Variants in PDE4D observed in about 807,000 individuals in gnomAD.
The protein encoded by PDE4D is 3',5'-cyclic-AMP phosphodiesterase 4D.
In PDE4D, 24 loss-of-function variants were observed where a neutral mutation model predicts 87.4. The observed-to-expected ratio is 0.27, with a 90% CI of 0.20 to 0.39. The LOEUF is 0.39. Among genes scored for constraint, PDE4D ranks in the 10% least tolerant of loss-of-function variants. The pLI is 1.00. For missense variants in PDE4D, 714 were observed against 1,041.0 expected (o/e 0.69, Z 4.32); for synonymous variants, 384 against 383.2 (o/e 1.00, Z -0.02).
At chr5:59,065,067 T>TATACACAC (rs764430366) in intron 5 of PDE4D, among the ~76,000 whole-genome samples, 6 of 89,232 alleles carry the variant, frequency 6.7e-5, no homozygotes, top group South Asian at 3.6e-4. Context: ...GATATATATA[T>TATACACAC]ACACACACAC....
chr5:59,642,414 C>T (rs1456604934), intron 1 of PDE4D, among the ~76,000 whole-genome samples: 2 of 152,162 alleles, frequency 1.3e-5, no homozygotes, highest in Non-Finnish European at 2.9e-5. Context: ...CCACCCAAAT[C>T]TCATCTTGAA....
At chr5:59,875,228 G>A (rs564214314) in intron 1 of PDE4D, among the ~76,000 whole-genome samples, 63 of 151,954 alleles carry the variant, frequency 4.1e-4, no homozygotes, top group Admixed American at 2.4e-3. Context: ...TTGGGAGGCC[G>A]AGGCGGGCGG....
intron 11 of PDE4D, among the ~76,000 whole-genome samples, chr5:58,985,344 CAGGTAGAAT>C (rs1746153808): frequency 6.6e-6 from 1 of 152,186 alleles, no homozygotes; most frequent in Non-Finnish European, 1.5e-5. Context: ...CCAACTCTAC[CAGGTAGAAT>C]TGTTCTCTCT....
chr5:59,966,250 A>G (rs916199275), intron 3 of PDE4D, among the ~76,000 whole-genome samples: 4 of 152,230 alleles, frequency 2.6e-5, no homozygotes, highest in Non-Finnish European at 5.9e-5. Context: ...TTCAAATCCT[A>G]TTATGCTTCA....
chr5:60,243,534 A>G (rs1471689094), intron 1 of PDE4D, among the ~76,000 whole-genome samples: 3 of 151,928 alleles, frequency 2.0e-5, no homozygotes, highest in Admixed American at 2.0e-4. Context: ...GGCCAATATC[A>G]CTGATGAATA....
At position 59,649,904 on chromosome 5, in the gene PDE4D, CCTTTTTTTTTTT is replaced by C. The variant is rs1452849801; in HGVS notation, c.455+243252_455+243263del. On this transcript the variant is annotated intron_variant, in intron 1 of 14. Coordinates refer to ENST00000340635, the MANE Select transcript of PDE4D (RefSeq NM_001104631.2). ...TGTTAAAATGTTGATAGTTTGTGAA[CCTTTTTTTTTTT>C]TTTTTTTTTTTTTTTTAGCAATGAC... Among the ~76,000 whole-genome samples, 103 of 73,976 alleles carry C rather than the reference CCTTTTTTTTTTT, an allele frequency of 1.4e-3. 14 individuals are homozygous for C. Among genetic ancestry groups the C allele is most frequent in the African/African-American group, 4.8e-3 (91 of 19,078 alleles). The allele number at this position is 73,976 out of a possible 152,430, so 48.5% of individuals were successfully genotyped here. A position where few individuals can be genotyped will look rare whatever the true frequency, so the allele number is the denominator to read the frequency against.
intron 1 of PDE4D, among the ~76,000 whole-genome samples, chr5:60,241,096 C>T (rs113430071): frequency 0.014 from 2,138 of 152,142 alleles, 25 homozygotes; most frequent in Middle Eastern, 0.034. Flanking sequence ...TTCAAAATAA[C>T]TGTTTTGAGT....
intron 1 of PDE4D, among the ~76,000 whole-genome samples, chr5:60,336,580 A>T (rs1217537212): frequency 6.6e-6 from 1 of 152,250 alleles, no homozygotes; most frequent in East Asian, 1.9e-4. Flanking sequence ...CAAGAACTTC[A>T]GTCTTCAAAG....
chr5:59,387,329 T>C (rs1312585351), intron 1 of PDE4D, among the ~76,000 whole-genome samples: 1 of 152,198 alleles, frequency 6.6e-6, no homozygotes, highest in African/African-American at 2.4e-5. Context: ...AGGTAGTACC[T>C]GTTGATATTA....
At chr5:59,949,817 G>A (rs1758113846) in intron 3 of PDE4D, among the ~76,000 whole-genome samples, 1 of 151,976 alleles carries the variant, frequency 6.6e-6, no homozygotes, top group Non-Finnish European at 1.5e-5. Context: ...TATCTTTCCG[G>A]TTTTCCTTAT....
chr5:59,355,054 C>G (rs1781155213), intron 1 of PDE4D, among the ~76,000 whole-genome samples: 1 of 152,160 alleles, frequency 6.6e-6, no homozygotes, highest in South Asian at 2.1e-4. Flanking sequence ...ATTCTCACCT[C>G]TTAAACTTGT....
chr5:60,459,720 T>C, intron 1 of PDE4D: 1 of 342,744 alleles, frequency 2.9e-6, no homozygotes, highest in Non-Finnish European at 5.6e-6. Context: ...TTGAGAACCA[T>C]GGTGTAGAGC....
At chr5:59,110,495 A>G (rs1772428132) in intron 5 of PDE4D, among the ~76,000 whole-genome samples, 2 of 152,236 alleles carry the variant, frequency 1.3e-5, no homozygotes, top group Non-Finnish European at 2.9e-5. Flanking sequence ...CTGCCTAGGC[A>G]TTGTTTCAAG....
intron 1 of PDE4D, among the ~76,000 whole-genome samples, chr5:59,351,252 T>G (rs1780489884): frequency 6.6e-6 from 1 of 152,146 alleles, no homozygotes; most frequent in South Asian, 2.1e-4. Context: ...GCAGCAGAGT[T>G]GGCACTGAAG....
chr5:59,884,408 A>G (rs159612), intron 1 of PDE4D, among the ~76,000 whole-genome samples: 19,295 of 152,016 alleles, frequency 0.13, 1,594 homozygotes, highest in Middle Eastern at 0.21. Context: ...CACACTGGTA[A>G]ATGATACCAT....
intron 1 of PDE4D, among the ~76,000 whole-genome samples, chr5:60,298,602 C>T (rs375937552): frequency 7.7e-4 from 118 of 152,280 alleles, no homozygotes; most frequent in Middle Eastern, 3.4e-3. Flanking sequence ...CCTTAACTTC[C>T]TTCTGTGTTT....
At chr5:59,961,878 G>A (rs80070341) in intron 3 of PDE4D, among the ~76,000 whole-genome samples, 4,525 of 152,172 alleles carry the variant, frequency 0.03, 195 homozygotes, top group African/African-American at 0.092. Flanking sequence ...CTGGGGCGGT[G>A]CCCTGGCAAG....
At chr5:59,270,978 T>A (rs1034106651) in intron 1 of PDE4D, among the ~76,000 whole-genome samples, 4 of 152,158 alleles carry the variant, frequency 2.6e-5, no homozygotes, top group African/African-American at 9.7e-5. Flanking sequence ...GTAAAATTCT[T>A]GATAGAGCTC....
chr5:59,527,695 A>C (rs1355462116), intron 1 of PDE4D, among the ~76,000 whole-genome samples: 9 of 152,212 alleles, frequency 5.9e-5, no homozygotes, highest in African/African-American at 2.2e-4. Context: ...CTGCTGTCTC[A>C]GATATTTAAT....
Sources: gnomAD v4.1 joint callset for allele counts (sites outside exome capture counted in the v4.1 genomes callset) on GRCh38, gnomAD v4.1.1 for gene constraint, MANE v1.5 for transcripts, NCBI Gene and HGNC (gene_info 2026-07-23, HGNC 2026-07-21) for gene names.